The following EPHA5 variants were observed in gnomAD, a reference collection of about 807,000 sequenced individuals.
EPHA5 encodes EPH receptor A5, also known as ephrin type-A receptor 5.
Under a neutral mutation model 105.0 loss-of-function variants are expected in EPHA5, and 60 were observed. The observed-to-expected ratio is 0.57, with a 90% CI of 0.46 to 0.71. The LOEUF (loss-of-function observed/expected upper bound fraction) is 0.71. Among genes scored for constraint, EPHA5 ranks in the 30% least tolerant of loss-of-function variants. EPHA5 has a pLI of 0.00. For missense variants in EPHA5, 1,218 were observed against 1,274.7 expected (o/e 0.96, Z 0.68); for synonymous variants, 513 against 449.1 (o/e 1.14, Z -1.80).
chr4:65,401,376 C>G (rs2148982100), intron 8 of EPHA5, among the ~76,000 whole-genome samples: 1 of 152,040 alleles, frequency 6.6e-6, no homozygotes, highest in South Asian at 2.1e-4. Flanking sequence ...TTTCAAGAAT[C>G]ATATCATTTA....
At chr4:65,575,578 A>T (rs1471260971) in intron 3 of EPHA5, among the ~76,000 whole-genome samples, 2 of 152,218 alleles carry the variant, frequency 1.3e-5, no homozygotes, top group Non-Finnish European at 2.9e-5. Context: ...TTGAGCTTAC[A>T]ATAAGATGCA....
intron 3 of EPHA5, among the ~76,000 whole-genome samples, chr4:65,508,682 A>T (rs1733308679): frequency 6.6e-6 from 1 of 152,158 alleles, no homozygotes; most frequent in Non-Finnish European, 1.5e-5. Flanking sequence ...CTTATTCCCC[A>T]GTTAAGTTAG....
At chr4:65,473,822 T>A (rs1729523526) in intron 5 of EPHA5, among the ~76,000 whole-genome samples, 1 of 151,906 alleles carries the variant, frequency 6.6e-6, no homozygotes, top group Admixed American at 6.6e-5. Context: ...CAGGTAGTTT[T>A]TGACACCCTT....
At chr4:65,376,511 G>T (rs1226016005) in intron 8 of EPHA5, among the ~76,000 whole-genome samples, 1 of 152,000 alleles carries the variant, frequency 6.6e-6, no homozygotes, top group East Asian at 1.9e-4. Context: ...ATGAAATTAG[G>T]TAAACCATTT....
At position 65,584,975 on chromosome 4, in the gene EPHA5, T is replaced by G. The variant is rs553737033; in HGVS notation, c.910+16666A>C. Among the ~76,000 whole-genome samples the G allele has an allele frequency of 6.6e-5, 10 of 152,050 alleles. No individual in the cohort carries two copies. The South Asian group carries it at 2.1e-3, about 32-fold the overall frequency. Reference sequence around the variant, plus strand: ...AATGCTGTTCTCTCCATGACCAGAATGACATAGTAGTTAAGAGCAGAGAGA... The same window carrying G: ...AATGCTGTTCTCTCCATGACCAGAAGGACATAGTAGTTAAGAGCAGAGAGA... On this transcript the variant is annotated intron_variant, in intron 3 of 16. Transcript: ENST00000613740.
rs574981650 is a variant in EPHA5 at position 65,365,928 on chromosome 4, G to A, written c.1987+4C>T. ...AAAAATGAAAGTCAAACACATTGTC[G>A]TACCTGCTCCAATAACTCTCTCAAT... On this transcript the variant is annotated splice_donor_region_variant and intron_variant, in intron 10 of 16. Coordinates refer to ENST00000613740, the MANE Select transcript of EPHA5 (RefSeq NM_001281766.3). 3.7e-4 allele frequency: 601 copies of A among 1,603,014 alleles called. 4 individuals carry two copies. In the South Asian group the frequency reaches 6.3e-3, roughly 17 times the overall value.
chr4:65,627,279 A>T (rs902358983), intron 2 of EPHA5, among the ~76,000 whole-genome samples: 2 of 152,188 alleles, frequency 1.3e-5, no homozygotes, highest in African/African-American at 2.4e-5. Context: ...GATGTTCCTA[A>T]GTATACTGGG....
At chr4:65,543,375 C>T (rs190326158) in intron 3 of EPHA5, among the ~76,000 whole-genome samples, 4 of 152,162 alleles carry the variant, frequency 2.6e-5, no homozygotes, top group Admixed American at 6.6e-5. Context: ...TCAGCAAACT[C>T]TCAGGATACA....
At chr4:65,563,388 A>C (rs754151404) in intron 3 of EPHA5, among the ~76,000 whole-genome samples, 50 of 152,098 alleles carry the variant, frequency 3.3e-4, no homozygotes, top group Non-Finnish European at 6.3e-4. Context: ...AGAAGCAAAA[A>C]TATTTCAGCA....
chr4:65,367,339 T>G lies in EPHA5; in HGVS notation c.1861+18A>C. On this transcript the variant is annotated intron_variant, in intron 9 of 16. Coordinates refer to ENST00000613740, the MANE Select transcript of EPHA5 (RefSeq NM_001281766.3). ...GTCCCCTATTTTATTCTATTTTTAT[T>G]TTTTACAATTTGCTTACTGTGCCCA... 6.2e-7 allele frequency: 1 copy of G among 1,601,762 alleles called. No homozygotes were observed. Among genetic ancestry groups the G allele is most frequent in the Non-Finnish European group, 8.5e-7 (1 of 1,172,490 alleles).
intron 8 of EPHA5, among the ~76,000 whole-genome samples, chr4:65,377,551 T>G (rs1482588310): frequency 1.3e-5 from 2 of 151,966 alleles, no homozygotes; most frequent in Non-Finnish European, 2.9e-5. Flanking sequence ...TCATAGCCTA[T>G]TGAAAATGTT....
rs113064915 is a variant in EPHA5, at chr4:65,360,063, A to T, written c.2173+4954T>A. ...AGCATTGCTAGTCCCTCTTCCTGTA[A>T]CAGTCTGCCTCCAAATGTCTGTAAG... On this transcript the variant is annotated intron_variant, in intron 11 of 16. Coordinates refer to ENST00000613740, the MANE Select transcript of EPHA5 (RefSeq NM_001281766.3). 6.7e-3 allele frequency among the ~76,000 whole-genome samples: 1,012 copies of T among 151,688 alleles called. 19 individuals are homozygous for T. The highest frequency in any genetic ancestry group is 0.023 in the African/African-American group (934 of 41,466).
rs1343322538 is a variant in EPHA5 at position 65,324,036 on chromosome 4, T to C, written c.*78A>G. On this transcript the variant is annotated 3_prime_UTR_variant, in exon 17 of 17. Transcript: ENST00000613740. ...AAATCACTGTTTTCCCTTTTCCCCC[T>C]TTTTTTGTTAAAATAAATCTCAGTG... The C allele has an allele frequency of 5.4e-6, 5 of 923,726 alleles. No individual in the cohort carries two copies. The highest frequency in any genetic ancestry group is 8.4e-6 in the Non-Finnish European group (5 of 596,388). 57.2% of individuals were successfully genotyped at this position (923,726 alleles called of 1,614,324 possible).
At chr4:65,608,766 C>A (rs1454441527) in intron 2 of EPHA5, among the ~76,000 whole-genome samples, 1 of 152,086 alleles carries the variant, frequency 6.6e-6, no homozygotes, top group African/African-American at 2.4e-5. Flanking sequence ...AATTATACTG[C>A]AGAATAAACT....
intron 14 of EPHA5, among the ~76,000 whole-genome samples, chr4:65,340,754 C>T (rs1009483442): frequency 2.6e-5 from 4 of 152,132 alleles, no homozygotes; most frequent in African/African-American, 9.7e-5. Context: ...TGTGTCATGG[C>T]AAGAGAATAG....
intron 5 of EPHA5, among the ~76,000 whole-genome samples, chr4:65,432,267 T>G (rs766113001): frequency 5.1e-4 from 78 of 152,312 alleles, no homozygotes; most frequent in Non-Finnish European, 9.3e-4. Context: ...TTTAATTTGC[T>G]TTTTGAAGTA....
intron 3 of EPHA5, among the ~76,000 whole-genome samples, chr4:65,536,406 A>G (rs1264870535): frequency 6.6e-6 from 1 of 152,060 alleles, no homozygotes; most frequent in Non-Finnish European, 1.5e-5. Flanking sequence ...TATTTTCTTA[A>G]CAGAGAGATT....
chr4:65,627,481 T>C (rs1486027348), intron 2 of EPHA5, among the ~76,000 whole-genome samples: 2 of 152,154 alleles, frequency 1.3e-5, no homozygotes, highest in African/African-American at 4.8e-5. Flanking sequence ...TTTAGTAAAG[T>C]ATCACTTTGG....
At chr4:65,546,014 C>T (rs1255175297) in intron 3 of EPHA5, among the ~76,000 whole-genome samples, 1 of 151,926 alleles carries the variant, frequency 6.6e-6, no homozygotes, top group Non-Finnish European at 1.5e-5. Context: ...ATCACAACTA[C>T]TCGACTCTGA....
Sources: gnomAD v4.1 joint callset for allele counts (sites outside exome capture counted in the v4.1 genomes callset) on GRCh38, gnomAD v4.1.1 for gene constraint, MANE v1.5 for transcripts, NCBI Gene and HGNC (gene_info 2026-07-23, HGNC 2026-07-21) for gene names.